The following SV2C variants were observed in gnomAD, a reference collection of about 807,000 sequenced individuals.
The protein encoded by SV2C is synaptic vesicle glycoprotein 2C.
Under a neutral mutation model 79.7 loss-of-function variants are expected in SV2C, and 49 were observed. The observed-to-expected ratio is 0.61, with a 90% CI of 0.49 to 0.78. SV2C has a LOEUF of 0.78. Ranked by LOEUF, SV2C falls within the 30% of genes least tolerant of loss-of-function variation. The pLI, the probability that SV2C is intolerant of heterozygous loss-of-function variation, is 0.00. For synonymous variants in SV2C, 334 were observed against 333.2 expected (o/e 1.00, Z -0.03); for missense variants, 833 against 912.9 (o/e 0.91, Z 1.13).
At chr5:76,132,806 G>T (rs1024741572) in intron 2 of SV2C, among the ~76,000 whole-genome samples, 1 of 151,932 alleles carries the variant, frequency 6.6e-6, no homozygotes. Flanking sequence ...AATATTTTAG[G>T]ACCCTGATAA....
chr5:76,074,541 A>G, the SV2C span, among the ~76,000 whole-genome samples: 4 of 152,172 alleles, frequency 2.6e-5, no homozygotes, highest in Admixed American at 2.6e-4. Context: ...CCTTTAGTTC[A>G]TCTCTCTCCT....
chr5:75,918,085 T>C, the SV2C span, among the ~76,000 whole-genome samples: 2 of 152,194 alleles, frequency 1.3e-5, no homozygotes, highest in African/African-American at 4.8e-5. Context: ...TTTTATCCAG[T>C]TTTCAGCACA....
At chr5:75,980,105 G>A in the SV2C span, among the ~76,000 whole-genome samples, 1 of 152,056 alleles carries the variant, frequency 6.6e-6, no homozygotes, top group African/African-American at 2.4e-5. Context: ...GCACATAAAC[G>A]AGAAAATCTA....
chr5:76,218,131 C>T (rs1580361360), intron 4 of SV2C, among the ~76,000 whole-genome samples: 1 of 152,316 alleles, frequency 6.6e-6, no homozygotes, highest in East Asian at 1.9e-4. Context: ...GCCACCTCTG[C>T]CCTCTCTAGC....
the SV2C span, among the ~76,000 whole-genome samples, chr5:75,907,324 T>C: frequency 6.6e-6 from 1 of 152,210 alleles, no homozygotes; most frequent in African/African-American, 2.4e-5. Flanking sequence ...ATGGCTCACC[T>C]CCAAAGCAGC....
intron 3 of SV2C, among the ~76,000 whole-genome samples, chr5:76,201,752 C>T (rs1744447891): frequency 6.6e-6 from 1 of 152,112 alleles, no homozygotes; most frequent in South Asian, 2.1e-4. Flanking sequence ...GGTACGGTGG[C>T]TCATGCCTGT....
At chr5:76,211,577 A>G (rs886840054) in intron 4 of SV2C, among the ~76,000 whole-genome samples, 1 of 152,164 alleles carries the variant, frequency 6.6e-6, no homozygotes, top group African/African-American at 2.4e-5. Context: ...TTAAAACCAC[A>G]TGACTTCAGA....
At chr5:75,979,928 G>A in the SV2C span, among the ~76,000 whole-genome samples, 1 of 152,080 alleles carries the variant, frequency 6.6e-6, no homozygotes, top group Non-Finnish European at 1.5e-5. Context: ...AAAGATCAGT[G>A]ATTCCAGGAG....
intron 4 of SV2C, among the ~76,000 whole-genome samples, chr5:76,242,901 C>A (rs897007716): frequency 1.3e-5 from 2 of 150,772 alleles, no homozygotes; most frequent in East Asian, 3.9e-4. Flanking sequence ...GTAGTCCCAG[C>A]TACTCAGAAG....
At chr5:76,130,959 G>A (rs1748869634) in intron 1 of SV2C, among the ~76,000 whole-genome samples, 1 of 152,166 alleles carries the variant, frequency 6.6e-6, no homozygotes, top group East Asian at 1.9e-4. Context: ...CACCAAACAA[G>A]CCATATGTTC....
In SV2C at chr5:76,339,044, A is replaced by G. The variant is rs148053051; in HGVS notation, c.2001-14086A>G. On this transcript the variant is annotated intron_variant, in intron 12 of 12. Coordinates refer to the SV2C transcript ENST00000322285. The stretch of plus-strand genomic sequence containing the variant: ...CTTCCGAGGCAGACACTGTGTCACC[A>G]TTGCTAAGAGCATGAGTTTGAGCAG... Among the ~76,000 whole-genome samples the G allele has an allele frequency of 2.4e-3, 370 of 152,270 alleles. 2 individuals carry two copies. Among genetic ancestry groups the G allele is most frequent in the African/African-American group, 8.6e-3 (359 of 41,562 alleles).
Position 76,327,354 on chromosome 5 carries a change from G to C in SV2C, c.*1807G>C, listed in dbSNP as rs1749044238. 1 of 152,250 alleles carries C rather than the reference G, an allele frequency of 6.6e-6. No individual in the cohort carries two copies. The highest frequency in any genetic ancestry group is 2.4e-5 in the African/African-American group (1 of 41,442). The allele number at this position is 152,250 out of a possible 1,614,324, so 9.4% of individuals were successfully genotyped here. On this transcript the variant is annotated 3_prime_UTR_variant, in exon 13 of 13. Coordinates refer to ENST00000502798, the MANE Select transcript of SV2C (RefSeq NM_014979.4). The stretch of plus-strand genomic sequence containing the variant: ...GAAAACCCGAACCAAAAACTGCAAA[G>C]GTGGCAGGAAGAAGAAAAATCACTG...
At chr5:76,113,129 A>T (rs1748146377) in intron 1 of SV2C, among the ~76,000 whole-genome samples, 1 of 152,210 alleles carries the variant, frequency 6.6e-6, no homozygotes, top group Non-Finnish European at 1.5e-5. Flanking sequence ...ATACGCATGG[A>T]ATTCTTACTA....
chr5:76,007,386 T>G, the SV2C span, among the ~76,000 whole-genome samples: 1 of 152,144 alleles, frequency 6.6e-6, no homozygotes, highest in African/African-American at 2.4e-5. Context: ...AGTCTCAGTT[T>G]CTTCATTTGT....
intron 4 of SV2C, among the ~76,000 whole-genome samples, chr5:76,220,414 G>A (rs940898187): frequency 1.3e-5 from 2 of 152,106 alleles, no homozygotes; most frequent in African/African-American, 4.8e-5. Context: ...GCTCATGCCT[G>A]TAATCCCAGC....
intron 6 of SV2C, among the ~76,000 whole-genome samples, chr5:76,288,039 C>T (rs974225082): frequency 1.3e-5 from 2 of 148,234 alleles, no homozygotes; most frequent in Non-Finnish European, 3.0e-5. Context: ...GAGCCAAGAT[C>T]GTGCCTCTGC....
chr5:75,935,889 A>G, the SV2C span, among the ~76,000 whole-genome samples: 2,634 of 152,318 alleles, frequency 0.017, 57 homozygotes, highest in African/African-American at 0.057. Context: ...CTATCCACAC[A>G]TAAGTTACTG....
At chr5:76,257,510 G>T (rs1579994462) in intron 4 of SV2C, among the ~76,000 whole-genome samples, 2 of 150,264 alleles carry the variant, frequency 1.3e-5, no homozygotes, top group South Asian at 2.1e-4. Context: ...TGTGAGGGTG[G>T]TGTGTGGTGT....
At chr5:75,962,785 C>T in the SV2C span, among the ~76,000 whole-genome samples, 2 of 152,062 alleles carry the variant, frequency 1.3e-5, no homozygotes, top group Admixed American at 1.3e-4. Flanking sequence ...CCACTTAAAG[C>T]CAAGGCTTAG....
Sources: gnomAD v4.1 joint callset for allele counts (sites outside exome capture counted in the v4.1 genomes callset) on GRCh38, gnomAD v4.1.1 for gene constraint, MANE v1.5 for transcripts, NCBI Gene and HGNC (gene_info 2026-07-23, HGNC 2026-07-21) for gene names.